The following MYO9A variants were observed in gnomAD, a reference collection of about 807,000 sequenced individuals.
MYO9A encodes the protein unconventional myosin-IXa.
MYO9A carries 103 observed loss-of-function variants against 293.3 expected under a neutral mutation model. The observed-to-expected ratio is 0.35, with a 90% CI of 0.30 to 0.41. The LOEUF is 0.41. Ranked by LOEUF, MYO9A falls within the 10% of genes least tolerant of loss-of-function variation. The probability of loss-of-function intolerance (pLI) is 1.00; values close to 1 mark genes in which losing one functional copy is unlikely to be tolerated. For synonymous variants in MYO9A, 1,001 were observed against 1,035.7 expected, an observed-to-expected ratio of 0.97 and a Z score of 0.64; for missense variants, 2,685 against 3,033.0, an observed-to-expected ratio of 0.89 and a Z score of 2.69.
At chr15:71,837,437 A>G (rs2054987636) in intron 39 of MYO9A, among the ~76,000 whole-genome samples, 1 of 152,156 alleles carries the variant, frequency 6.6e-6, no homozygotes, top group Admixed American at 6.5e-5. Context: ...ATCCAGTTCC[A>G]TTTGACATTG....
chr15:71,894,819 C>T (rs1373023403), intron 25 of MYO9A, among the ~76,000 whole-genome samples: 2 of 152,050 alleles, frequency 1.3e-5, no homozygotes, highest in Non-Finnish European at 2.9e-5. Flanking sequence ...CCTTCATGGC[C>T]CCAATTACCT....
At chr15:71,888,885 AG>A (rs1425698401) in intron 26 of MYO9A, among the ~76,000 whole-genome samples, 1 of 152,220 alleles carries the variant, frequency 6.6e-6, no homozygotes, top group East Asian at 1.9e-4. Context: ...ATGAAGTAAT[AG>A]GGATCTGGTC....
Position 72,109,638 on chromosome 15 carries a change from C to G in MYO9A, c.-72+8042G>C, listed in dbSNP as rs1024015903. Among the ~76,000 whole-genome samples the G allele has an allele frequency of 2.6e-5, 4 of 152,130 alleles. No homozygotes were observed. In the East Asian group the frequency reaches 5.8e-4, roughly 22 times the overall value. On this transcript the variant is annotated intron_variant, in intron 1 of 41. Transcript: ENST00000356056. ...GTGCAGTGGTTCACGCCTGTAATCA[C>G]AGCATTTTGGGAGGCCAAGGCAGGC...
At chr15:71,974,119 CA>C (rs869128872) in intron 12 of MYO9A, among the ~76,000 whole-genome samples, 4 of 150,870 alleles carry the variant, frequency 2.7e-5, no homozygotes, top group Non-Finnish European at 5.9e-5. Context: ...AACAAACAAA[CA>C]AAAACCAAAA....
intron 1 of MYO9A, among the ~76,000 whole-genome samples, chr15:72,101,436 A>C (rs370452442): frequency 0.019 from 1,628 of 87,338 alleles, 2 homozygotes; most frequent in East Asian, 0.072. Context: ...CCCCTCTGCC[A>C]GGCCAGCCGC....
Position 72,007,931 on chromosome 15 carries a change from G to A in MYO9A, c.1275C>T (p.Ala425=). The change falls in exon 8 of 42, where the codon GCC becomes GCT. Residue 425 remains alanine (A), a synonymous_variant. Coordinates refer to ENST00000356056, the MANE Select transcript of MYO9A (RefSeq NM_006901.4). Reference sequence around the variant, plus strand: ...AACAGATATTACCCAAATGTAGTATGGCTGAGAGAAGAGAGAAAATCCTGG... The same window carrying A: ...AACAGATATTACCCAAATGTAGTATAGCTGAGAGAAGAGAGAAAATCCTGG... ...TRRQIFSLLS[A]ILHLGNICYK... The A allele has an allele frequency of 6.2e-7, 1 of 1,611,220 alleles. No homozygotes were observed. Among genetic ancestry groups the A allele is most frequent in the Middle Eastern group, 1.7e-4 (1 of 6,054 alleles).
intron 25 of MYO9A, among the ~76,000 whole-genome samples, chr15:71,895,049 T>G (rs921960873): frequency 2.0e-5 from 3 of 152,252 alleles, no homozygotes; most frequent in African/African-American, 7.2e-5. Flanking sequence ...GAAATTATCT[T>G]GCCCTTTGCC....
chr15:71,969,663 A>G (rs1950813100), intron 12 of MYO9A, among the ~76,000 whole-genome samples: 1 of 152,228 alleles, frequency 6.6e-6, no homozygotes, highest in South Asian at 2.1e-4. Context: ...TGAAAAGCTT[A>G]TGATATACTT....
intron 1 of MYO9A, among the ~76,000 whole-genome samples, chr15:72,090,303 G>A (rs771753763): frequency 6.6e-6 from 1 of 151,948 alleles, no homozygotes; most frequent in African/African-American, 2.4e-5. Context: ...TTTAAACAAA[G>A]TATATTAAAT....
At position 71,914,870 on chromosome 15, in the gene MYO9A, T is replaced by C. The variant is rs187175728; in HGVS notation, c.2685+1500A>G. Among the ~76,000 whole-genome samples, 304 of 152,268 alleles carry C rather than the reference T, an allele frequency of 2.0e-3. 1 individual carries two copies. The highest frequency in any genetic ancestry group is 3.7e-3 in the Non-Finnish European group (251 of 67,986). Reference sequence around the variant, plus strand: ...AACTAAGTTTTTATTGTACTAGCTATATGGTATTCTTCAGATTAAAGAATG... The same window carrying C: ...AACTAAGTTTTTATTGTACTAGCTACATGGTATTCTTCAGATTAAAGAATG... On this transcript the variant is annotated intron_variant, in intron 19 of 41. Coordinates refer to ENST00000356056, the MANE Select transcript of MYO9A (RefSeq NM_006901.4).
chr15:71,951,920 C>T, intron 14 of MYO9A, 24 bp from the exon 15 acceptor site: 4 of 1,308,350 alleles, frequency 3.1e-6, no homozygotes, highest in Non-Finnish European at 4.1e-6. Flanking sequence ...AAAAAACAAA[C>T]AAAAAAAAAA....
rs1024953597 is a variant in MYO9A at position 71,848,987 on chromosome 15, G to A, written c.6714-19C>T. ...CACACAACTGAAACAGAAGGAAAGA[G>A]AAAAAAACTGTTAAGAGGTGAAGTA... On this transcript the variant is annotated intron_variant, in intron 38 of 41. Coordinates refer to ENST00000356056, the MANE Select transcript of MYO9A (RefSeq NM_006901.4). The A allele has an allele frequency of 7.7e-6, 12 of 1,566,898 alleles. No individual in the cohort carries two copies. In the Admixed American group the frequency reaches 1.3e-4, roughly 16 times the overall value.
chr15:71,916,014 C>T lies in MYO9A; in HGVS notation c.2685+356G>A, dbSNP rs115277641. ...TCATTTAGTTAACTATTGATGGTAG[C>T]AGCATGAGGTTTAAGCAGGGAAAAA... is the stretch of plus-strand genomic sequence containing the variant. On this transcript the variant is annotated intron_variant, in intron 19 of 41. Transcript: ENST00000356056. 5.3e-3 allele frequency among the ~76,000 whole-genome samples: 808 copies of T among 152,140 alleles called. 9 individuals carry two copies. Among genetic ancestry groups the T allele is most frequent in the African/African-American group, 0.019 (770 of 41,502 alleles).
intron 12 of MYO9A, among the ~76,000 whole-genome samples, chr15:71,972,521 G>A (rs980880866): frequency 6.6e-6 from 1 of 152,188 alleles, no homozygotes; most frequent in Non-Finnish European, 1.5e-5. Flanking sequence ...TGTGGGATCT[G>A]ATGCTACTTC....
intron 3 of MYO9A, among the ~76,000 whole-genome samples, chr15:72,031,736 TAA>T (rs1025112912): frequency 7.1e-6 from 1 of 141,220 alleles, no homozygotes; most frequent in South Asian, 2.2e-4. Flanking sequence ...ATAGTCTATT[TAA>T]AAAAAAAAAA....
rs1399189065 is a variant in MYO9A, at chr15:71,898,087, A to G, written c.4416T>C (p.Asp1472=). The G allele has an allele frequency of 8.1e-6, 13 of 1,614,016 alleles. No homozygotes were observed. The highest frequency in any genetic ancestry group is 1.7e-5 in the Admixed American group (1 of 59,992). ...CTGTATTCAAAGAAGGAACAATCTG[A>G]TCTTTTCCTGAGCAGTGATACCTTC... ...ETRRYHCSGK[D]QIVPSLNTES... The change falls in exon 25 of 42, where the codon GAT becomes GAC. Residue 1472 remains aspartate, a synonymous_variant. Transcript: ENST00000356056.
At position 72,032,480 on chromosome 15, in the gene MYO9A, G is replaced by A. The variant is rs1182018575; in HGVS notation, c.935+14C>T. On this transcript the variant is annotated intron_variant, in intron 3 of 41. Transcript: ENST00000356056. ...ATGCTCCAAAGCCTACGCCTGCTAA[G>A]TAGCAGTACTTACCCAAGTACAGTG... The A allele has an allele frequency of 6.6e-7, 1 of 1,525,882 alleles. No homozygotes were observed. The highest frequency in any genetic ancestry group is 1.4e-5 in the African/African-American group (1 of 71,030). 94.5% of individuals were successfully genotyped at this position (1,525,882 alleles called of 1,614,324 possible).
At chr15:71,935,706 G>C (rs911283074) in intron 16 of MYO9A, among the ~76,000 whole-genome samples, 1 of 152,068 alleles carries the variant, frequency 6.6e-6, no homozygotes, top group East Asian at 1.9e-4. Flanking sequence ...ATACAAACGT[G>C]CATGTAGATG....
intron 12 of MYO9A, among the ~76,000 whole-genome samples, chr15:71,975,303 C>CGTGTGT (rs3028361): frequency 1.9e-4 from 28 of 143,770 alleles, no homozygotes; most frequent in African/African-American, 4.4e-4. Flanking sequence ...ATGATTTTAT[C>CGTGTGT]GTGTGTGTGT....
Sources: allele counts gnomAD v4.1 joint callset (sites outside exome capture counted in the v4.1 genomes callset), GRCh38; gene constraint gnomAD v4.1.1; transcripts MANE v1.5; gene names NCBI Gene and HGNC (gene_info 2026-07-23, HGNC 2026-07-21).